DENND1B: variants seen among roughly 807,000 people sequenced by gnomAD.
DENND1B encodes the protein DENN domain containing 1B.
A neutral mutation model predicts 90.1 loss-of-function variants in DENND1B; 59 were observed. That is an observed-to-expected ratio of 0.65 (90% CI 0.53 to 0.81). The LOEUF (loss-of-function observed/expected upper bound fraction) is 0.81. Ranked by LOEUF, DENND1B falls within the 40% of genes least tolerant of loss-of-function variation. The probability of loss-of-function intolerance (pLI) is 0.00; values close to 1 mark genes in which losing one functional copy is unlikely to be tolerated. For synonymous variants in DENND1B, 337 were observed against 324.6 expected (o/e 1.04, Z -0.41); for missense variants, 862 against 912.6 (o/e 0.94, Z 0.71).
chr1:197,595,376 T>A, intron 13 of DENND1B, 43 bp from the exon 14 acceptor site: 1 of 1,602,476 alleles, frequency 6.2e-7, no homozygotes, highest in African/African-American at 1.3e-5. Flanking sequence ...CCTCAGAAAT[T>A]GGTACAGCGA....
At chr1:197,772,725 T>C in intron 2 of DENND1B, 143 bp downstream of exon 2, 5 of 652,402 alleles carry the variant, frequency 7.7e-6, no homozygotes, top group Non-Finnish European at 1.1e-5. Context: ...CTCGGGAGGC[T>C]GAGGTGGGAG....
chr1:197,627,263 G>C (rs969913593), intron 10 of DENND1B, among the ~76,000 whole-genome samples: 4 of 152,046 alleles, frequency 2.6e-5, no homozygotes, highest in Non-Finnish European at 5.9e-5. Context: ...GATGAACATT[G>C]ATGCAAAAAT....
intron 7 of DENND1B, among the ~76,000 whole-genome samples, chr1:197,650,829 G>A (rs1439658404): frequency 6.6e-6 from 1 of 152,130 alleles, no homozygotes; most frequent in Non-Finnish European, 1.5e-5. Flanking sequence ...GGACGCAAAA[G>A]CATAAGAATG....
At chr1:197,511,556 T>C (rs1248065120) in intron 22 of DENND1B, among the ~76,000 whole-genome samples, 172 bp downstream of exon 22, 2 of 151,762 alleles carry the variant, frequency 1.3e-5, no homozygotes, top group African/African-American at 2.4e-5. Context: ...TACTAGAATT[T>C]TAATAATAGA....
At chr1:197,525,566 C>A (rs1274500612) in intron 20 of DENND1B, among the ~76,000 whole-genome samples, 1 of 151,972 alleles carries the variant, frequency 6.6e-6, no homozygotes, top group African/African-American at 2.4e-5. Flanking sequence ...ACTTTTCTAG[C>A]TGGGATAAAT....
chr1:197,594,987 A>G (rs1201302650), intron 14 of DENND1B, among the ~76,000 whole-genome samples: 1 of 152,154 alleles, frequency 6.6e-6, no homozygotes, highest in African/African-American at 2.4e-5. Flanking sequence ...TAACACAAAG[A>G]CTTTGGGAAA....
chr1:197,703,849 C>G (rs972886242), intron 3 of DENND1B, among the ~76,000 whole-genome samples: 4 of 152,100 alleles, frequency 2.6e-5, no homozygotes, highest in Admixed American at 6.5e-5. Context: ...ATCTCTGATG[C>G]CTCCTCTCTT....
chr1:197,636,941 G>A (rs1180424527), intron 10 of DENND1B, among the ~76,000 whole-genome samples: 12 of 151,980 alleles, frequency 7.9e-5, no homozygotes, highest in African/African-American at 2.9e-4. Context: ...CATTTTGGCG[G>A]TATTGAATGG....
chr1:197,566,365 A>G (rs1203600260), intron 15 of DENND1B, among the ~76,000 whole-genome samples: 1 of 151,872 alleles, frequency 6.6e-6, no homozygotes, highest in Non-Finnish European at 1.5e-5. Context: ...AATTTGTTTG[A>G]GTTCATTGTA....
chr1:197,606,056 A>C (rs933328981), intron 13 of DENND1B: 4 of 151,110 alleles, frequency 2.6e-5, no homozygotes, highest in Non-Finnish European at 5.9e-5. Flanking sequence ...ATAAAGAATA[A>C]ATGCTTTGTT....
Position 197,553,041 on chromosome 1 carries a change from A to C in DENND1B, c.1221T>G (p.Thr407=), listed in dbSNP as rs1671375672. The C allele has an allele frequency of 1.3e-6, 2 of 1,573,144 alleles. No individual in the cohort carries two copies. Among genetic ancestry groups the C allele is most frequent in the Non-Finnish European group, 1.7e-6 (2 of 1,166,254 alleles). The change falls in exon 16 of 23, where the codon ACT becomes ACG. Residue 407 remains threonine, a synonymous_variant. Transcript: ENST00000620048. Reference sequence around the variant, plus strand: ...CTTTACCTCCACAAAAGCCACCTGAAGTGATCTCTTCTTCAAATACATCAG... The same window carrying C: ...CTTTACCTCCACAAAAGCCACCTGACGTGATCTCTTCTTCAAATACATCAG... ...GFSDVFEEEI[T]SGGFCGGNPR...
At chr1:197,676,865 G>A (rs1656131726) in intron 3 of DENND1B, among the ~76,000 whole-genome samples, 1 of 152,034 alleles carries the variant, frequency 6.6e-6, no homozygotes, top group Admixed American at 6.6e-5. Flanking sequence ...GCATTACAAT[G>A]AAATTGATCT....
chr1:197,553,103 C>A lies in DENND1B; in HGVS notation c.1159G>T (p.Gly387Cys), dbSNP rs750820201. ...NLQLFKQFID[G>C]RLAKLNAGRG... ...CCTGCATTTAGTTTTGCCAGTCGAC[C>A]ATCGATAAACTAGAATTAAAAAGTG... The change falls in exon 16 of 23, where the codon GGT (glycine) becomes TGT (cysteine). Residue 387 changes from glycine (G) to cysteine (C), a missense_variant. By Grantham distance (159) the Gly-to-Cys change is radical. Coordinates refer to ENST00000620048, the MANE Select transcript of DENND1B (RefSeq NM_001195215.2). 1.3e-6 allele frequency: 2 copies of A among 1,519,560 alleles called. No homozygotes were observed. Among genetic ancestry groups the A allele is most frequent in the East Asian group, 5.0e-5 (2 of 40,122 alleles). The allele number at this position is 1,519,560 out of a possible 1,614,324, so 94.1% of individuals were successfully genotyped here. A position where few individuals can be genotyped will look rare whatever the true frequency, so the allele number is the denominator to read the frequency against.
At chr1:197,772,735 G>A in intron 2 of DENND1B, 133 bp downstream of exon 2, 2 of 693,102 alleles carry the variant, frequency 2.9e-6, no homozygotes, top group South Asian at 3.9e-5. Flanking sequence ...TGAGGTGGGA[G>A]GATCACCTGA....
At chr1:197,663,697 T>G (rs1241670847) in intron 5 of DENND1B, among the ~76,000 whole-genome samples, 1 of 152,136 alleles carries the variant, frequency 6.6e-6, no homozygotes, top group East Asian at 1.9e-4. Flanking sequence ...CTTCTGTCTT[T>G]GAGTGTGGCA....
intron 20 of DENND1B, among the ~76,000 whole-genome samples, chr1:197,515,884 G>A (rs57383242): frequency 0.025 from 3,825 of 151,902 alleles, 148 homozygotes; most frequent in African/African-American, 0.085. Context: ...TCCCTATTGT[G>A]TTGCAAGTCC....
rs1294157670 is a variant in DENND1B, at chr1:197,511,847, C to A, written c.1696G>T (p.Asp566Tyr). The change falls in exon 22 of 23, where the codon GAC becomes TAC. Residue 566 changes from aspartate (D) to tyrosine (Y), a missense_variant. Asp to Tyr is a radical substitution (Grantham distance 160, BLOSUM62 -3). Transcript: ENST00000620048. ...RVKTPYSGEM[D>Y]LLGEILDTLS... ...GTATCAAGAATCTCTCCTAGTAAGT[C>A]CATTTCACCTGAGTAAGGAGTCTTC... 2 of 1,611,504 alleles carry A rather than the reference C, an allele frequency of 1.2e-6. No homozygotes were observed. The highest frequency in any genetic ancestry group is 1.7e-6 in the Non-Finnish European group (2 of 1,178,362).
At chr1:197,720,456 G>A (rs1291113561) in intron 2 of DENND1B, among the ~76,000 whole-genome samples, 1 of 151,860 alleles carries the variant, frequency 6.6e-6, no homozygotes, top group Non-Finnish European at 1.5e-5. Flanking sequence ...ACCCAGGCTG[G>A]TCTTGAACTC....
intron 5 of DENND1B, among the ~76,000 whole-genome samples, chr1:197,668,939 T>A (rs1452419599): frequency 6.6e-6 from 1 of 152,132 alleles, no homozygotes; most frequent in Non-Finnish European, 1.5e-5. Context: ...ATTCTGCTAA[T>A]CTTAATGGGC....
Sources: gnomAD v4.1 joint callset for allele counts (sites outside exome capture counted in the v4.1 genomes callset) on GRCh38, gnomAD v4.1.1 for gene constraint, MANE v1.5 for transcripts, NCBI Gene and HGNC (gene_info 2026-07-23, HGNC 2026-07-21) for gene names.